The following ERBB2 variants were observed in gnomAD, a reference collection of about 807,000 sequenced individuals.
The protein encoded by ERBB2 is erb-b2 receptor tyrosine kinase 2.
In ERBB2, 61 loss-of-function variants were observed where a neutral mutation model predicts 149.0. The observed-to-expected ratio is 0.41, with a 90% CI of 0.33 to 0.51. ERBB2 has a LOEUF of 0.51. Ranked by LOEUF, ERBB2 falls within the 20% of genes least tolerant of loss-of-function variation. The pLI, the probability that ERBB2 is intolerant of heterozygous loss-of-function variation, is 0.25. For missense variants in ERBB2, 1,205 were observed against 1,655.1 expected (o/e 0.73, Z 4.72); for synonymous variants, 633 against 678.8 (o/e 0.93, Z 1.05).
intron 9 of ERBB2, among the ~76,000 whole-genome samples, chr17:39,713,758 G>GA (rs774902171): frequency 0.14 from 12,155 of 88,778 alleles, 1,295 homozygotes; most frequent in African/African-American, 0.31. Flanking sequence ...GTCTCAAAAA[G>GA]AAAAAAAAAA....
chr17:39,719,612 G>A (rs1037480792), intron 15 of ERBB2, among the ~76,000 whole-genome samples, 175 bp from the exon 16 acceptor site: 22 of 152,226 alleles, frequency 1.4e-4, no homozygotes, highest in South Asian at 2.1e-4. Context: ...GGCTGGAGAA[G>A]GAGTCTCCTT....
At chr17:39,695,821 G>T (rs1184595628), upstream of ERBB2, among the ~76,000 whole-genome samples, 2 of 148,174 alleles carry the variant, frequency 1.3e-5, no homozygotes, top group Non-Finnish European at 3.0e-5. Flanking sequence ...ACAGGCCGCT[G>T]GTTGCAGCCC....
intron 16 of ERBB2, among the ~76,000 whole-genome samples, chr17:39,720,969 A>C (rs774208941): frequency 1.3e-5 from 2 of 151,796 alleles, no homozygotes; most frequent in East Asian, 3.9e-4. Context: ...CTTTTTATTG[A>C]GTGATTGAGA....
chr17:39,723,474 TC>T lies in ERBB2; in HGVS notation c.2085+19del. On this transcript the variant is annotated intron_variant, in intron 17 of 26. Coordinates refer to ENST00000269571, the MANE Select transcript of ERBB2 (RefSeq NM_004448.4). The surrounding 1 kb of genome is among the most constrained non-coding windows in gnomAD (Gnocchi z 6.2). ...GAAACGGAGGTGAGGCGGGGTGAAG[TC>T]CTCCCAGCCCGCGTGGGGTCTGCAC... 6.2e-7 allele frequency: 1 copy of T among 1,613,846 alleles called. No individual in the cohort carries two copies. The highest frequency in any genetic ancestry group is 8.5e-7 in the Non-Finnish European group (1 of 1,179,938).
At chr17:39,702,333 C>G (rs1383903194) in intron 1 of ERBB2, among the ~76,000 whole-genome samples, 1 of 152,128 alleles carries the variant, frequency 6.6e-6, no homozygotes, top group African/African-American at 2.4e-5. Context: ...GCCTCCAGCA[C>G]CCAGATTTTA....
upstream of ERBB2, among the ~76,000 whole-genome samples, chr17:39,696,997 G>A (rs1013705511): frequency 6.6e-6 from 1 of 152,226 alleles, no homozygotes; most frequent in Admixed American, 6.5e-5. Context: ...CCGCAGGGCT[G>A]TAAGCTGCAG....
chr17:39,705,944 G>A (rs999506174), intron 1 of ERBB2, among the ~76,000 whole-genome samples: 5 of 152,162 alleles, frequency 3.3e-5, no homozygotes, highest in South Asian at 2.1e-4. Flanking sequence ...GGCAAGACAC[G>A]CCAGGTGATT....
chr17:39,709,290 G>A (rs765791873), intron 3 of ERBB2, 28 bp from the exon 4 acceptor site: 1 of 1,613,428 alleles, frequency 6.2e-7, no homozygotes, highest in Non-Finnish European at 8.5e-7. Context: ...AAGGGGAAAG[G>A]GTCCTCTGAT....
chr17:39,707,375 T>G, intron 2 of ERBB2: 1 of 413,336 alleles, frequency 2.4e-6, no homozygotes, highest in Non-Finnish European at 4.3e-6. Context: ...CGTCTGTGTT[T>G]CCGCTAAATC....
In ERBB2 at chr17:39,727,799, C is replaced by G. The variant is rs1437065997; in HGVS notation, c.3523C>G (p.Pro1175Ala). ...TCTGGAAAGGCCCAAGACTCTCTCC[C>G]CAGGGAAGAATGGGGTCGTCAAAGA... Reference protein sequence around the residue: ...ATLERPKTLSPGKNGVVKDVF... With the variant: ...ATLERPKTLSAGKNGVVKDVF... The change falls in exon 27 of 27, where the codon CCA becomes GCA. Residue 1175 changes from proline to alanine, a missense_variant. Transcript: ENST00000269571. The surrounding 1 kb of genome is among the most constrained non-coding windows in gnomAD (Gnocchi z 4.3). 3.1e-6 allele frequency: 5 copies of G among 1,613,362 alleles called. No homozygotes were observed. Among genetic ancestry groups the G allele is most frequent in the Admixed American group, 3.3e-5 (2 of 59,992 alleles).
At chr17:39,701,399 C>T (rs571658798) in intron 1 of ERBB2, among the ~76,000 whole-genome samples, 20 of 152,198 alleles carry the variant, frequency 1.3e-4, no homozygotes, top group African/African-American at 4.8e-4. Context: ...GGCAGTGCGA[C>T]CCCCAACCAT....
Position 39,724,272 on chromosome 17 carries a change from A to ATTTTTTTTTTTTTT in ERBB2, c.2307+265_2307+278dup, listed in dbSNP as rs71149796. On this transcript the variant is annotated intron_variant, in intron 19 of 26. Coordinates refer to ENST00000269571, the MANE Select transcript of ERBB2 (RefSeq NM_004448.4). ...TAGCTGGGATTACAAGCGCCCGCTAATTTTTTTTTTTTTTTTGAGACAGAG... is the reference window on the plus strand; with the variant it reads ...TAGCTGGGATTACAAGCGCCCGCTAATTTTTTTTTTTTTTTTTTTTTTTTTTTTTTGAGACAGAG... Among the ~76,000 whole-genome samples, 261 of 76,968 alleles carry ATTTTTTTTTTTTTT rather than the reference A, an allele frequency of 3.4e-3. 47 individuals are homozygous for ATTTTTTTTTTTTTT. The highest frequency in any genetic ancestry group is 0.018 in the Middle Eastern group (2 of 114). 50.5% of individuals were successfully genotyped at this position (76,968 alleles called of 152,430 possible). A position where few individuals can be genotyped will look rare whatever the true frequency, so the allele number is the denominator to read the frequency against.
Position 39,726,214 on chromosome 17 carries a change from G to A in ERBB2, c.2873-348G>A. The A allele has an allele frequency of 2.4e-6, 1 of 411,540 alleles. No homozygotes were observed. Among genetic ancestry groups the A allele is most frequent in the Non-Finnish European group, 4.4e-6 (1 of 226,964 alleles). The allele number at this position is 411,540 out of a possible 1,614,324, so 25.5% of individuals were successfully genotyped here. On this transcript the variant is annotated intron_variant, in intron 23 of 26. Coordinates refer to ENST00000269571, the MANE Select transcript of ERBB2 (RefSeq NM_004448.4). This position sits in a 1 kb window ranked among gnomAD's most constrained non-coding sequence, Gnocchi z 5.1. ...CTGGGTGTGGTGGTGTGTGCCAGTA[G>A]TCCCAGCTACTCAGGAGAGGCTGAG...
intron 16 of ERBB2, 23 bp downstream of exon 16, chr17:39,719,857 A>G (rs776219512): frequency 6.2e-7 from 1 of 1,612,860 alleles, no homozygotes; most frequent in Admixed American, 1.7e-5. Context: ...CCCAGGATGT[A>G]CCCTTCATTG....
intron 3 of ERBB2, among the ~76,000 whole-genome samples, chr17:39,708,823 C>T (rs565408041): frequency 4.3e-3 from 660 of 152,300 alleles, no homozygotes; most frequent in Middle Eastern, 0.017. Flanking sequence ...TATTTGCTGG[C>T]CCTGGAGCCG....
chr17:39,692,045 G>A (rs1210302407), upstream of ERBB2, among the ~76,000 whole-genome samples: 1 of 151,342 alleles, frequency 6.6e-6, no homozygotes, highest in East Asian at 1.9e-4. Context: ...AGTAGAGACA[G>A]GGCTTCACCA....
chr17:39,694,206 AAAAAAAAAAAAAAAAAAAAAATATATAT>A (rs1447499115), upstream of ERBB2, among the ~76,000 whole-genome samples: 1 of 43,398 alleles, frequency 2.3e-5, no homozygotes, highest in African/African-American at 1.2e-4. Context: ...AAAAAAAAAA[AAAAAAAAAAAAAAAAAAAAAATATATAT>A]ATATATATAT....
In ERBB2 at chr17:39,725,418, T is replaced by C; in HGVS notation, c.2725+16T>C. The C allele has an allele frequency of 6.3e-7, 1 of 1,581,184 alleles. No homozygotes were observed. On this transcript the variant is annotated intron_variant, in intron 22 of 26. Transcript: ENST00000269571. This position sits in a 1 kb window ranked among gnomAD's most constrained non-coding sequence, Gnocchi z 4.6. ...TGGAGTTATGGTGTGTGATGGGGGGTGTTGGGAGGGGTGGGTGAGGAGCCA... is the reference window on the plus strand; with the variant it reads ...TGGAGTTATGGTGTGTGATGGGGGGCGTTGGGAGGGGTGGGTGAGGAGCCA...
chr17:39,688,187 G>T, exon 1 of ERBB2: 1 of 519,996 alleles, frequency 1.9e-6, no homozygotes, highest in Non-Finnish European at 3.0e-6. Context: ...TCCCCCTGCT[G>T]TGTCCATATA....
Sources: gnomAD v4.1 joint callset for allele counts (sites outside exome capture counted in the v4.1 genomes callset) on GRCh38, gnomAD v4.1.1 for gene constraint, Gnocchi (gnomAD v3.1) non-coding constraint, MANE v1.5 for transcripts, NCBI Gene and HGNC (gene_info 2026-07-23, HGNC 2026-07-21) for gene names.